The following MED1 variants were observed in gnomAD, a reference collection of about 807,000 sequenced individuals.
MED1 encodes the protein mediator complex subunit 1.
Under a neutral mutation model 121.3 loss-of-function variants are expected in MED1, and 17 were observed. The observed-to-expected ratio is 0.14, with a 90% confidence interval of 0.10 to 0.21. The LOEUF (loss-of-function observed/expected upper bound fraction) is 0.21, where lower values mean the gene tolerates loss of function less well. Ranked by LOEUF, MED1 falls within the 10% of genes least tolerant of loss-of-function variation. MED1 has a pLI of 1.00. For missense variants in MED1, 1,558 were observed against 1,919.4 expected (o/e 0.81, Z 3.52); for synonymous variants, 661 against 694.4 (o/e 0.95, Z 0.76).
At chr17:39,426,929 G>A (rs141174619) in intron 10 of MED1, among the ~76,000 whole-genome samples, 4 of 149,846 alleles carry the variant, frequency 2.7e-5, no homozygotes, top group African/African-American at 9.9e-5. Flanking sequence ...CTTTTTTTTT[G>A]ATCAGTAACT....
At chr17:39,437,874 C>A (rs935535527) in intron 6 of MED1, among the ~76,000 whole-genome samples, 1 of 151,676 alleles carries the variant, frequency 6.6e-6, no homozygotes, top group Non-Finnish European at 1.5e-5. Flanking sequence ...GCAGAGGATG[C>A]GGTGAGCCAA....
chr17:39,446,913 C>G (rs1027344595), intron 2 of MED1, among the ~76,000 whole-genome samples: 3 of 152,076 alleles, frequency 2.0e-5, no homozygotes, highest in Non-Finnish European at 4.4e-5. Context: ...GCACTTGAGC[C>G]TGGATGATAA....
intron 13 of MED1, among the ~76,000 whole-genome samples, chr17:39,420,368 T>C (rs1282090606): frequency 6.6e-6 from 1 of 151,340 alleles, no homozygotes; most frequent in Non-Finnish European, 1.5e-5. Context: ...CCCGGCTAAT[T>C]TTTTTTGTAT....
In MED1 at chr17:39,419,806, C is replaced by T. The variant is rs756500721; in HGVS notation, c.1208G>A (p.Arg403Gln). Reference protein sequence around the residue: ...VSKITFQHPGRVPLILNLIRH... With the variant: ...VSKITFQHPGQVPLILNLIRH... ...GATCAGATTTAGGATAAGAGGAACTCGGCCAGGGTGCTGAAAGGTGATTTT... is the reference window on the plus strand; with the variant it reads ...GATCAGATTTAGGATAAGAGGAACTTGGCCAGGGTGCTGAAAGGTGATTTT... The change falls in exon 14 of 17, where the codon CGA becomes CAA. Residue 403 changes from arginine to glutamine, a missense_variant. Arg to Gln is a conservative substitution (Grantham distance 43). Transcript: ENST00000300651. 12 of 1,613,950 alleles carry T rather than the reference C, an allele frequency of 7.4e-6. No individual in the cohort carries two copies. The highest frequency in any genetic ancestry group is 1.1e-5 in the South Asian group (1 of 91,072).
chr17:39,429,120 G>A (rs956650424), intron 9 of MED1, among the ~76,000 whole-genome samples: 3 of 151,796 alleles, frequency 2.0e-5, no homozygotes, highest in African/African-American at 2.4e-5. Flanking sequence ...AGGAGTTCAA[G>A]TCTATAGTGA....
intron 7 of MED1, among the ~76,000 whole-genome samples, chr17:39,432,847 G>A (rs561096569): frequency 1.7e-4 from 26 of 151,798 alleles, no homozygotes; most frequent in South Asian, 1.3e-3. Flanking sequence ...GGTAGATCAC[G>A]TGAGGTCAGG....
chr17:39,434,909 T>C (rs1006309408), intron 6 of MED1, among the ~76,000 whole-genome samples: 1 of 152,244 alleles, frequency 6.6e-6, no homozygotes, highest in East Asian at 1.9e-4. Context: ...CTCGCGCCTG[T>C]AATCCCAGCA....
chr17:39,440,662 G>A lies in MED1; in HGVS notation c.227C>T (p.Ala76Val). 3.1e-6 allele frequency: 5 copies of A among 1,613,156 alleles called. No individual in the cohort carries two copies. The highest frequency in any genetic ancestry group is 4.2e-6 in the Non-Finnish European group (5 of 1,179,452). Residue 76 changes from alanine to valine, a missense_variant, in exon 4 of 17, where the codon GCA becomes GTA. Coordinates refer to ENST00000300651, the MANE Select transcript of MED1 (RefSeq NM_004774.4). This position sits in a 1 kb window ranked among gnomAD's most constrained non-coding sequence, Gnocchi z 4.1. ...TATGGACTCCAAACGATCAGTCATT[G>A]CTGGTAAAGATGTTACTATAAAAGG... ...QKALKVTSLP[A>V]MTDRLESIAR...
rs1008534407 is a variant in MED1 at position 39,409,124 on chromosome 17, G to T, written c.3097C>A (p.Pro1033Thr). Residue 1033 changes from proline to threonine, a missense_variant, in exon 17 of 17, where the codon CCA becomes ACA. Around this residue, in one of 5 missense-constraint regions of MED1, gnomAD observed 793 missense variants for 898.2 expected, o/e 0.88. Transcript: ENST00000300651. ...SHSSSNRPFT[P>T]PTSTGGSKSP... ...TTAGATCCACCTGTACTGGTAGGTG[G>T]GGTAAAAGGTCTGTTAGAAGAACTA... is the stretch of plus-strand genomic sequence containing the variant. 3.7e-6 allele frequency: 6 copies of T among 1,614,006 alleles called. No homozygotes were observed. In the African/African-American group the frequency reaches 8.0e-5, roughly 22 times the overall value.
At chr17:39,422,513 G>C (rs946881687) in intron 13 of MED1, among the ~76,000 whole-genome samples, 3 of 89,854 alleles carry the variant, frequency 3.3e-5, no homozygotes, top group Admixed American at 1.7e-4. Context: ...TTTCGCTCTT[G>C]TTGCCCAGGC....
intron 10 of MED1, among the ~76,000 whole-genome samples, chr17:39,426,543 C>T (rs1382111619): frequency 6.6e-6 from 1 of 151,814 alleles, no homozygotes; most frequent in Non-Finnish European, 1.5e-5. Context: ...GTCCATTTCA[C>T]TTTTTTTTGA....
Position 39,451,141 on chromosome 17 carries a change from C to T in MED1, c.-79G>A. ...CACTAACGGAGGAAACAAGTTGGCT[C>T]GGGATCCCGGGACGCAGGGCACCAG... On this transcript the variant is annotated 5_prime_UTR_variant, in exon 1 of 17. Coordinates refer to ENST00000300651, the MANE Select transcript of MED1 (RefSeq NM_004774.4). The T allele has an allele frequency of 6.5e-7, 1 of 1,530,826 alleles. No homozygotes were observed. The highest frequency in any genetic ancestry group is 1.1e-5 in the South Asian group (1 of 87,136). The allele number at this position is 1,530,826 out of a possible 1,614,324, so 94.8% of individuals were successfully genotyped here.
At chr17:39,419,453 G>A (rs1255836077) in intron 14 of MED1, among the ~76,000 whole-genome samples, 1 of 150,370 alleles carries the variant, frequency 6.7e-6, no homozygotes, top group Non-Finnish European at 1.5e-5. Context: ...TGTCACCCAG[G>A]CTGGAGTGCA....
intron 8 of MED1, 37 bp from the exon 9 acceptor site, chr17:39,431,225 T>A (rs1172483513): frequency 6.6e-7 from 1 of 1,515,498 alleles, no homozygotes; most frequent in African/African-American, 1.4e-5. Context: ...TTATATTTAA[T>A]CCCTGATGGT....
At chr17:39,427,575 G>T in intron 10 of MED1, 126 bp downstream of exon 10, 1 of 629,492 alleles carries the variant, frequency 1.6e-6, no homozygotes, top group South Asian at 1.9e-5. Flanking sequence ...ATACGTGTGT[G>T]AGGTGTTGTG....
In MED1 at chr17:39,407,954, G is replaced by A; in HGVS notation, c.4267C>T (p.Pro1423Ser). 1.2e-6 allele frequency: 2 copies of A among 1,614,014 alleles called. No homozygotes were observed. The highest frequency in any genetic ancestry group is 8.5e-7 in the Non-Finnish European group (1 of 1,180,010). Residue 1423 changes from proline (P) to serine (S), a missense_variant, in exon 17 of 17, where the codon CCT becomes TCT. Pro to Ser is a moderately conservative substitution (Grantham distance 74). Coordinates refer to ENST00000300651, the MANE Select transcript of MED1 (RefSeq NM_004774.4). ...TAGTTTTTAGAAGAAGCCATTTGAG[G>A]CCTAAGCCCTTCTCCACTACTTTCC... is the stretch of plus-strand genomic sequence containing the variant. ...PGESSGEGLR[P>S]QMASSKNYGS...
At chr17:39,429,280 A>AGTTAAGGGCTGAAGT (rs1310949017) in intron 9 of MED1, among the ~76,000 whole-genome samples, 1 of 152,148 alleles carries the variant, frequency 6.6e-6, no homozygotes, top group Non-Finnish European at 1.5e-5. Flanking sequence ...TAAGCCCAAG[A>AGTTAAGGGCTGAAGT]GTTAAGGGCT....
Position 39,409,187 on chromosome 17 carries a change from G to A in MED1, c.3034C>T (p.Arg1012Trp), listed in dbSNP as rs1428573722. Residue 1012 changes from arginine (R) to tryptophan (W), a missense_variant, in exon 17 of 17, where the codon CGG becomes TGG. Around this residue, in one of 5 missense-constraint regions of MED1, gnomAD observed 793 missense variants for 898.2 expected, o/e 0.88. Transcript: ENST00000300651. ...DGKSKDKPPK[R>W]KKADTEGKSP... ...TTTCCCTCAGTGTCTGCCTTCTTCC[G>A]CTTTGGAGGCTTATCTTTGCTTTTC... 5.6e-6 allele frequency: 9 copies of A among 1,613,970 alleles called. No homozygotes were observed. The highest frequency in any genetic ancestry group is 7.6e-6 in the Non-Finnish European group (9 of 1,180,036).
chr17:39,418,873 C>T (rs747564746), intron 14 of MED1, among the ~76,000 whole-genome samples: 9 of 151,814 alleles, frequency 5.9e-5, no homozygotes, highest in African/African-American at 1.9e-4. Flanking sequence ...GTGCAACCTC[C>T]GCCTCCTGGG....
Sources: gnomAD v4.1 joint callset for allele counts (sites outside exome capture counted in the v4.1 genomes callset) on GRCh38, gnomAD v4.1.1 for gene constraint, gnomAD v4.1.1 regional missense constraint, Gnocchi (gnomAD v3.1) non-coding constraint, MANE v1.5 for transcripts, NCBI Gene and HGNC (gene_info 2026-07-23, HGNC 2026-07-21) for gene names.